Variants in DDHD2 observed in about 807,000 individuals in gnomAD.
DDHD2 encodes the protein DDHD domain containing 2.
Under a neutral mutation model 91.2 loss-of-function variants are expected in DDHD2, and 62 were observed. The observed-to-expected ratio is 0.68, with a 90% CI of 0.55 to 0.84. The LOEUF (loss-of-function observed/expected upper bound fraction) is 0.84. Among genes scored for constraint, DDHD2 ranks in the 40% least tolerant of loss-of-function variants. The probability of loss-of-function intolerance (pLI) is 0.00; values close to 1 mark genes in which losing one functional copy is unlikely to be tolerated. For missense variants in DDHD2, 740 were observed against 846.9 expected, an observed-to-expected ratio of 0.87 and a Z score of 1.57; for synonymous variants, 271 against 293.9, an observed-to-expected ratio of 0.92 and a Z score of 0.80.
In DDHD2 at chr8:38,249,455, G is replaced by GTT. The variant is rs74689881; in HGVS notation, c.1249-236_1249-235dup. Among the ~76,000 whole-genome samples the GTT allele has an allele frequency of 1.3e-3, 143 of 108,656 alleles. 1 individual carries two copies. The highest frequency in any genetic ancestry group is 2.7e-3 in the African/African-American group (83 of 30,198). 71.3% of individuals were successfully genotyped at this position (108,656 alleles called of 152,430 possible). ...AAGTCCTTAGATACCCAACTTCTCT[G>GTT]TTTTTTTTTTTTTTTTTTAACAATA... On this transcript the variant is annotated intron_variant, in intron 10 of 17. Transcript: ENST00000397166.
intron 1 of DDHD2, chr8:38,268,641 C>T: frequency 7.0e-7 from 1 of 1,436,700 alleles, no homozygotes; most frequent in South Asian, 1.5e-5. Flanking sequence ...GCTCGGGCCC[C>T]GGTACCTCAG....
At chr8:38,272,138 A>AT (rs1808497284), downstream of DDHD2, 1 of 152,188 alleles carries the variant, frequency 6.6e-6, no homozygotes, top group Non-Finnish European at 1.5e-5. Context: ...CCACAACGTT[A>AT]TTTACAGACA....
chr8:38,240,622 G>A (rs1232839058), intron 6 of DDHD2, among the ~76,000 whole-genome samples: 1 of 152,138 alleles, frequency 6.6e-6, no homozygotes, highest in African/African-American at 2.4e-5. Context: ...ATGATGTGGT[G>A]GTCCTATTTC....
At chr8:38,253,177 T>C (rs755621545) in intron 15 of DDHD2, 50 bp downstream of exon 15, 26 of 1,500,408 alleles carry the variant, frequency 1.7e-5, no homozygotes, top group Admixed American at 2.3e-5. Flanking sequence ...AGGGATGCCA[T>C]GGTGTGGCGT....
chr8:38,266,695 C>A (rs191182871), downstream of DDHD2, among the ~76,000 whole-genome samples: 2 of 152,248 alleles, frequency 1.3e-5, no homozygotes, highest in African/African-American at 2.4e-5. Flanking sequence ...CCACCACACC[C>A]GGCCATGAGG....
chr8:38,246,587 A>G (rs577096694), intron 9 of DDHD2, among the ~76,000 whole-genome samples: 1 of 152,310 alleles, frequency 6.6e-6, no homozygotes, highest in African/African-American at 2.4e-5. Context: ...CATGCCTGTA[A>G]TCTCAGCACT....
chr8:38,253,883 C>T (rs776596445), intron 16 of DDHD2, among the ~76,000 whole-genome samples, 165 bp downstream of exon 16: 17 of 151,934 alleles, frequency 1.1e-4, no homozygotes, highest in Non-Finnish European at 1.8e-4. Context: ...AGTTTGAGAC[C>T]GGCCTGGGAA....
intron 8 of DDHD2, 103 bp downstream of exon 8, chr8:38,246,053 G>C: frequency 7.6e-7 from 1 of 1,312,602 alleles, no homozygotes; most frequent in Middle Eastern, 2.5e-4. Flanking sequence ...CAGAGGTCTA[G>C]AAGTGGTCTG....
chr8:38,238,769 AG>A, intron 5 of DDHD2: 2 of 795,160 alleles, frequency 2.5e-6, no homozygotes, highest in Non-Finnish European at 3.0e-6. Flanking sequence ...ACTAGATAAA[AG>A]TATTTTATCA....
At position 38,249,771 on chromosome 8, in the gene DDHD2, T is replaced by C. The variant is rs1256190886; in HGVS notation, c.1312T>C (p.Leu438=). ...TCCTTTAGGACCAAGAAAGAAGATA[T>C]TAAACTATTTCAGCACCAGAAAAAA... ...GIPLGPRKKI[L]NYFSTRKNSM... is the part of the protein sequence containing the mutation. The change falls in exon 11 of 18, where the codon TTA becomes CTA. Residue 438 remains leucine, a synonymous_variant. Coordinates refer to ENST00000397166, the MANE Select transcript of DDHD2 (RefSeq NM_015214.3). 10 of 1,612,000 alleles carry C rather than the reference T, an allele frequency of 6.2e-6. No individual in the cohort carries two copies. The highest frequency in any genetic ancestry group is 4.5e-5 in the East Asian group (2 of 44,808).
intron 16 of DDHD2, among the ~76,000 whole-genome samples, chr8:38,255,142 C>T (rs1228532695): frequency 1.4e-5 from 2 of 142,544 alleles, no homozygotes; most frequent in African/African-American, 2.6e-5. Flanking sequence ...TTGCAGTGAG[C>T]GAGATCACGG....
intron 10 of DDHD2, among the ~76,000 whole-genome samples, chr8:38,249,025 T>A (rs961272141): frequency 1.3e-5 from 2 of 152,094 alleles, no homozygotes; most frequent in Non-Finnish European, 2.9e-5. Flanking sequence ...TTGCTGTATG[T>A]TCTCAGTGCT....
At chr8:38,260,394 G>C in intron 17 of DDHD2, 1 of 323,520 alleles carries the variant, frequency 3.1e-6, no homozygotes, top group Non-Finnish European at 5.7e-6. Flanking sequence ...TCATTTTTTA[G>C]GATCTAAACT....
At chr8:38,267,196 C>T (rs371615833), downstream of DDHD2, 4 of 1,612,948 alleles carry the variant, frequency 2.5e-6, no homozygotes, top group Non-Finnish European at 3.4e-6. Context: ...TTTCCCATCC[C>T]TACTAGCTTT....
intron 15 of DDHD2, 44 bp downstream of exon 15, chr8:38,253,171 A>G (rs1585754100): frequency 6.5e-7 from 1 of 1,544,034 alleles, no homozygotes; most frequent in Non-Finnish European, 8.8e-7. Context: ...GATAAGAGGG[A>G]TGCCATGGTG....
chr8:38,268,790 C>G, intron 1 of DDHD2: 1 of 1,437,962 alleles, frequency 7.0e-7, no homozygotes, highest in Non-Finnish European at 9.1e-7. Flanking sequence ...GCAGTGGGTC[C>G]CTACAAAGGC....
intron 1 of DDHD2, chr8:38,270,705 T>C (rs1218188080): frequency 6.6e-6 from 1 of 152,260 alleles, no homozygotes; most frequent in Non-Finnish European, 1.5e-5. Flanking sequence ...CTGAGGGTGC[T>C]TTCTCACTAA....
In DDHD2 at chr8:38,246,022, G is replaced by GT. The variant is rs1209692517; in HGVS notation, c.1057+73dup. 2.1e-6 allele frequency: 3 copies of GT among 1,443,698 alleles called. No individual in the cohort carries two copies. The East Asian group carries it at 6.8e-5, about 33-fold the overall frequency. 89.4% of individuals were successfully genotyped at this position (1,443,698 alleles called of 1,614,324 possible). A position where few individuals can be genotyped will look rare whatever the true frequency, so the allele number is the denominator to read the frequency against. On this transcript the variant is annotated intron_variant, in intron 8 of 17. Transcript: ENST00000397166. ...AAGACACCTGTTTTTGAAGCACAAT[G>GT]TCTTTTATCAGTATGAAATTCAGAG...
rs1806230473 is a variant in DDHD2, at chr8:38,252,982, G to A, written c.1746G>A (p.Met582Ile). The change falls in exon 15 of 18, where the codon ATG (methionine) becomes ATA (isoleucine). Residue 582 changes from methionine to isoleucine, a missense_variant. Coordinates refer to ENST00000397166, the MANE Select transcript of DDHD2 (RefSeq NM_015214.3). ...HLELREGLTR[M>I]SMDLKNNLLG... is the part of the protein sequence containing the mutation. ...AACTGAGAGAGGGCTTGACCAGGATGAGTATGGACCTTAAGAACAACTTGC... is the reference window on the plus strand; with the variant it reads ...AACTGAGAGAGGGCTTGACCAGGATAAGTATGGACCTTAAGAACAACTTGC... 6.2e-7 allele frequency: 1 copy of A among 1,614,130 alleles called. No homozygotes were observed. The highest frequency in any genetic ancestry group is 8.5e-7 in the Non-Finnish European group (1 of 1,180,024).
Sources: allele counts gnomAD v4.1 joint callset (sites outside exome capture counted in the v4.1 genomes callset), GRCh38; gene constraint gnomAD v4.1.1; transcripts MANE v1.5; gene names NCBI Gene and HGNC (gene_info 2026-07-23, HGNC 2026-07-21).